The following ASCC1 variants were observed in gnomAD, a reference collection of about 807,000 sequenced individuals.
ASCC1 encodes the protein ASC-1 complex subunit P50.
In ASCC1, 35 loss-of-function variants were observed where a neutral mutation model predicts 46.6. That is an observed-to-expected ratio of 0.75 (90% CI 0.57 to 0.99). ASCC1 has a LOEUF of 0.99. Among genes scored for constraint, ASCC1 ranks in the 50% least tolerant of loss-of-function variants. The probability of loss-of-function intolerance (pLI) is 0.00; values close to 1 mark genes in which losing one functional copy is unlikely to be tolerated. For synonymous variants in ASCC1, 143 were observed against 146.6 expected (o/e 0.98, Z 0.18); for missense variants, 376 against 428.7 (o/e 0.88, Z 1.09).
At chr10:72,184,238 CA>C (rs563429592) in intron 5 of ASCC1, among the ~76,000 whole-genome samples, 33 of 141,782 alleles carry the variant, frequency 2.3e-4, no homozygotes, top group East Asian at 4.1e-4. Context: ...CAAAGAAGAC[CA>C]AAAAAAAAAT....
intron 5 of ASCC1, among the ~76,000 whole-genome samples, chr10:72,186,005 T>C (rs1413785209): frequency 6.6e-6 from 1 of 152,146 alleles, no homozygotes; most frequent in Non-Finnish European, 1.5e-5. Flanking sequence ...TTTCCTCTAA[T>C]GTTCCATCAA....
At chr10:72,185,956 T>C (rs943317255) in intron 5 of ASCC1, among the ~76,000 whole-genome samples, 3 of 152,126 alleles carry the variant, frequency 2.0e-5, no homozygotes, top group African/African-American at 7.2e-5. Flanking sequence ...GAAAGATGCA[T>C]GTACAGATGC....
intron 6 of ASCC1, among the ~76,000 whole-genome samples, chr10:72,157,093 C>T (rs554976517): frequency 6.6e-6 from 1 of 152,264 alleles, no homozygotes; most frequent in South Asian, 2.1e-4. Context: ...AGGCATGAGC[C>T]ACTGCGCCCG....
At position 72,161,662 on chromosome 10, in the gene ASCC1, C is replaced by G. The variant is rs368470267; in HGVS notation, c.502G>C (p.Asp168His). Residue 168 changes from aspartate to histidine, a missense_variant, in exon 6 of 10, where the codon GAC becomes CAC. Coordinates refer to ENST00000672957, the MANE Select transcript of ASCC1 (RefSeq NM_001198800.3). ...LAKCSMDHGV[D>H]SSIFQNPKKL... ...TTAGGATTCTGGAAAATGCTGCTGT[C>G]AACCCCATGATCCTGTTATCAAAGA... The G allele has an allele frequency of 6.8e-6, 11 of 1,614,046 alleles. No individual in the cohort carries two copies. In the African/African-American group the frequency reaches 1.5e-4, roughly 22 times the overall value.
intron 6 of ASCC1, among the ~76,000 whole-genome samples, chr10:72,158,193 A>G (rs775541661): frequency 1.3e-5 from 2 of 152,156 alleles, no homozygotes; most frequent in African/African-American, 2.4e-5. Context: ...CCCGATAAAC[A>G]CTCTTTGTCT....
chr10:72,190,739 T>C (rs1264481690), intron 5 of ASCC1, among the ~76,000 whole-genome samples: 1 of 152,088 alleles, frequency 6.6e-6, no homozygotes, highest in Non-Finnish European at 1.5e-5. Context: ...GGCTCACGCC[T>C]GTAATCCCAG....
At chr10:72,160,106 G>C (rs372576203) in intron 6 of ASCC1, among the ~76,000 whole-genome samples, 1 of 151,916 alleles carries the variant, frequency 6.6e-6, no homozygotes, top group African/African-American at 2.4e-5. Context: ...AGGTTTCACC[G>C]TGTTAGCCAG....
At chr10:72,109,674 G>A (rs1842714319) in intron 9 of ASCC1, among the ~76,000 whole-genome samples, 1 of 152,204 alleles carries the variant, frequency 6.6e-6, no homozygotes, top group Non-Finnish European at 1.5e-5. Flanking sequence ...ATTAGAGGAT[G>A]AATTAAAACC....
At chr10:72,172,728 A>ATT (rs1049629117) in intron 5 of ASCC1, among the ~76,000 whole-genome samples, 4 of 137,446 alleles carry the variant, frequency 2.9e-5, no homozygotes, top group Non-Finnish European at 6.2e-5. Flanking sequence ...ATATTTTTAT[A>ATT]TTATATATAT....
At chr10:72,164,288 C>T (rs772445516) in intron 5 of ASCC1, among the ~76,000 whole-genome samples, 13 of 152,082 alleles carry the variant, frequency 8.5e-5, no homozygotes, top group Non-Finnish European at 1.6e-4. Flanking sequence ...TAAATAATCA[C>T]TCCTCTTTCT....
intron 9 of ASCC1, among the ~76,000 whole-genome samples, chr10:72,103,322 T>C (rs1436512329): frequency 1.3e-5 from 2 of 151,452 alleles, no homozygotes; most frequent in South Asian, 2.1e-4. Flanking sequence ...TTAGTAGAGA[T>C]GGGGTTTCAC....
intron 3 of ASCC1, among the ~76,000 whole-genome samples, chr10:72,208,134 G>A (rs74234146): frequency 0.078 from 11,915 of 151,852 alleles, 1,250 homozygotes; most frequent in African/African-American, 0.23. Flanking sequence ...CCAGCCTTCC[G>A]AGTAAATATT....
At chr10:72,142,137 T>C (rs1410081117) in intron 7 of ASCC1, among the ~76,000 whole-genome samples, 1 of 152,238 alleles carries the variant, frequency 6.6e-6, no homozygotes, top group Non-Finnish European at 1.5e-5. Context: ...GTATCTATTT[T>C]TATTTTTTGA....
intron 9 of ASCC1, among the ~76,000 whole-genome samples, chr10:72,107,637 C>T (rs1170798694): frequency 1.3e-5 from 2 of 152,240 alleles, no homozygotes; most frequent in African/African-American, 4.8e-5. Flanking sequence ...CACACAGACA[C>T]ACATACCTTC....
rs527614727 is a variant in ASCC1 at position 72,161,049 on chromosome 10, C to T, written c.626+489G>A. Among the ~76,000 whole-genome samples the T allele has an allele frequency of 2.6e-5, 4 of 152,062 alleles. No homozygotes were observed. The East Asian group carries it at 5.8e-4, about 22-fold the overall frequency. ...AGTGAGCCGAGATTGCGCCACTGCA[C>T]TCCAGCCTGGGCGACAGAGCAAGAT... On this transcript the variant is annotated intron_variant, in intron 6 of 9. Coordinates refer to ENST00000672957, the MANE Select transcript of ASCC1 (RefSeq NM_001198800.3).
chr10:72,112,362 C>T (rs1564589301), intron 9 of ASCC1, among the ~76,000 whole-genome samples: 4 of 152,000 alleles, frequency 2.6e-5, no homozygotes, highest in African/African-American at 9.7e-5. Flanking sequence ...CATGAGGTAC[C>T]TAGAGTAGTC....
chr10:72,112,367 G>A (rs1843009379), intron 9 of ASCC1, among the ~76,000 whole-genome samples: 1 of 152,154 alleles, frequency 6.6e-6, no homozygotes, highest in South Asian at 2.1e-4. Flanking sequence ...GGTACCTAGA[G>A]TAGTCAAATT....
chr10:72,213,749 G>A (rs956086743), intron 1 of ASCC1, among the ~76,000 whole-genome samples: 3 of 151,666 alleles, frequency 2.0e-5, no homozygotes, highest in African/African-American at 4.8e-5. Flanking sequence ...TCTAAAAAAA[G>A]AAAAAGAGGG....
At chr10:72,187,992 T>C (rs996991686) in intron 5 of ASCC1, among the ~76,000 whole-genome samples, 8 of 151,984 alleles carry the variant, frequency 5.3e-5, no homozygotes, top group African/African-American at 1.9e-4. Flanking sequence ...AATTCTACAC[T>C]AAGCTCAGGC....
Sources: gnomAD v4.1 joint callset for allele counts (sites outside exome capture counted in the v4.1 genomes callset) on GRCh38, gnomAD v4.1.1 for gene constraint, MANE v1.5 for transcripts, NCBI Gene and HGNC (gene_info 2026-07-23, HGNC 2026-07-21) for gene names.